Variants in RHPN2 observed in about 807,000 individuals in gnomAD.
RHPN2 encodes rhophilin-2.
A neutral mutation model predicts 79.0 loss-of-function variants in RHPN2; 40 were observed. The observed-to-expected ratio is 0.51, with a 90% CI of 0.39 to 0.66. The LOEUF is 0.66. Among genes scored for constraint, RHPN2 ranks in the 30% least tolerant of loss-of-function variants. RHPN2 has a pLI of 0.00. For synonymous variants in RHPN2, 285 were observed against 363.5 expected, an observed-to-expected ratio of 0.78 and a Z score of 2.46; for missense variants, 686 against 883.5, an observed-to-expected ratio of 0.78 and a Z score of 2.83.
Position 33,064,782 on chromosome 19 carries a change from A to G in RHPN2, c.69+2T>C. 2.5e-6 allele frequency: 1 copy of G among 401,098 alleles called. No individual in the cohort carries two copies. Among genetic ancestry groups the G allele is most frequent in the Non-Finnish European group, 3.7e-6 (1 of 268,926 alleles). The allele number at this position is 401,098 out of a possible 1,614,324, so 24.8% of individuals were successfully genotyped here. A position where few individuals can be genotyped will look rare whatever the true frequency, so the allele number is the denominator to read the frequency against. ...CCCGCCCGCCCGCCCGAAGCCGCCCACCTTCCGAAAGTAGCCGTCGTTCTC... is the reference window on the plus strand; with the variant it reads ...CCCGCCCGCCCGCCCGAAGCCGCCCGCCTTCCGAAAGTAGCCGTCGTTCTC... On this transcript the variant is annotated splice_donor_variant, in intron 1 of 14. Transcript: ENST00000254260. LOFTEE classifies it high-confidence loss of function.
At position 32,979,125 on chromosome 19, in the gene RHPN2, G is replaced by C. The variant is rs1367713088; in HGVS notation, c.*871C>G. 1 of 152,010 alleles carries C rather than the reference G, an allele frequency of 6.6e-6. No homozygotes were observed. Among genetic ancestry groups the C allele is most frequent in the Non-Finnish European group, 1.5e-5 (1 of 68,020 alleles). The allele number at this position is 152,010 out of a possible 1,614,324, so 9.4% of individuals were successfully genotyped here. On this transcript the variant is annotated 3_prime_UTR_variant, in exon 15 of 15. Transcript: ENST00000254260. ...GATCACACCACTGCACTCCAGCCTG[G>C]GCAACACAGCAAGACGCTATCTCAA...
At chr19:32,995,496 A>G (rs1359372625) in intron 11 of RHPN2, among the ~76,000 whole-genome samples, 2 of 152,100 alleles carry the variant, frequency 1.3e-5, no homozygotes, top group African/African-American at 4.8e-5. Flanking sequence ...TACCCTTAAC[A>G]TAAGGCTGGT....
Position 32,979,701 on chromosome 19 carries a change from T to C in RHPN2, c.*295A>G, listed in dbSNP as rs1971557758. The C allele has an allele frequency of 2.6e-6, 1 of 379,158 alleles. No homozygotes were observed. The highest frequency in any genetic ancestry group is 5.8e-5 in the East Asian group (1 of 17,328). The allele number at this position is 379,158 out of a possible 1,614,324, so 23.5% of individuals were successfully genotyped here. ...TAATAGTGACTAAAAGTCATAATTG[T>C]CACCATTAAAAATAGCCATATTTCA... On this transcript the variant is annotated 3_prime_UTR_variant, in exon 15 of 15. Transcript: ENST00000254260.
At chr19:33,030,244 A>G (rs73039428) in intron 2 of RHPN2, among the ~76,000 whole-genome samples, 15,686 of 152,192 alleles carry the variant, frequency 0.1, 1,025 homozygotes, top group South Asian at 0.24. Flanking sequence ...GCTCAGCTTG[A>G]TGAATTTCAT....
chr19:33,037,119 C>T (rs1363128862), intron 2 of RHPN2, among the ~76,000 whole-genome samples: 1 of 152,312 alleles, frequency 6.6e-6, no homozygotes, highest in East Asian at 1.9e-4. Context: ...ATTGTAAATA[C>T]ACCGATCGGC....
intron 11 of RHPN2, among the ~76,000 whole-genome samples, chr19:32,994,648 C>A (rs1971686815): frequency 6.6e-6 from 1 of 152,068 alleles, no homozygotes; most frequent in Non-Finnish European, 1.5e-5. Flanking sequence ...GCTTAGTGGG[C>A]TTCTCTGGCA....
At chr19:33,058,528 T>C (rs1972252767) in intron 1 of RHPN2, among the ~76,000 whole-genome samples, 1 of 152,230 alleles carries the variant, frequency 6.6e-6, no homozygotes, top group African/African-American at 2.4e-5. Context: ...ATGCCTGTAA[T>C]CCCAGCACTT....
intron 1 of RHPN2, among the ~76,000 whole-genome samples, chr19:33,061,352 C>T (rs1449051138): frequency 6.6e-6 from 1 of 151,780 alleles, no homozygotes; most frequent in Non-Finnish European, 1.5e-5. Flanking sequence ...ACTACAGGCA[C>T]CCGCCACCAC....
At chr19:33,020,724 C>T (rs1436479727) in intron 4 of RHPN2, among the ~76,000 whole-genome samples, 10 of 152,186 alleles carry the variant, frequency 6.6e-5, no homozygotes, top group Admixed American at 2.6e-4. Context: ...TGGTCTTCAA[C>T]TCCTGAGCTC....
chr19:33,058,043 C>T (rs10418398), intron 1 of RHPN2, among the ~76,000 whole-genome samples: 83 of 152,072 alleles, frequency 5.5e-4, no homozygotes, highest in African/African-American at 2.0e-3. Context: ...GCCTATAATC[C>T]CAGCTACTTG....
chr19:33,031,341 C>G (rs774345566), intron 2 of RHPN2, among the ~76,000 whole-genome samples: 4 of 147,862 alleles, frequency 2.7e-5, no homozygotes, highest in Non-Finnish European at 4.5e-5. Flanking sequence ...CTTACTGCAG[C>G]CTTGCCCTCC....
At chr19:32,998,062 A>T (rs10403800) in intron 10 of RHPN2, among the ~76,000 whole-genome samples, 28,307 of 152,102 alleles carry the variant, frequency 0.19, 2,835 homozygotes, top group Non-Finnish European at 0.22. Flanking sequence ...CAGGGGACTG[A>T]TGTGATCTGA....
At chr19:33,061,251 C>T (rs1201886992) in intron 1 of RHPN2, among the ~76,000 whole-genome samples, 3 of 128,146 alleles carry the variant, frequency 2.3e-5, no homozygotes, top group Non-Finnish European at 1.6e-5. Context: ...TTTTTTGAGA[C>T]GGAGTCTCGC....
chr19:33,035,622 G>A (rs1018054405), intron 2 of RHPN2, among the ~76,000 whole-genome samples: 34 of 151,934 alleles, frequency 2.2e-4, no homozygotes, highest in Non-Finnish European at 2.2e-4. Flanking sequence ...GAAGGACAGC[G>A]ACTCCATTTT....
chr19:33,035,363 AAGTGCT>A (rs1284675278), intron 2 of RHPN2, among the ~76,000 whole-genome samples: 1 of 152,166 alleles, frequency 6.6e-6, no homozygotes, highest in Non-Finnish European at 1.5e-5. Context: ...CAGCCTCCCA[AAGTGCT>A]GGGATTACAG....
chr19:33,007,430 TG>T (rs1227246015), intron 7 of RHPN2, among the ~76,000 whole-genome samples: 1 of 151,834 alleles, frequency 6.6e-6, no homozygotes, highest in Non-Finnish European at 1.5e-5. Flanking sequence ...GAGGTTGCAG[TG>T]AGCCGAGACC....
chr19:33,041,535 C>T (rs1481969085), intron 2 of RHPN2, among the ~76,000 whole-genome samples: 1 of 152,182 alleles, frequency 6.6e-6, no homozygotes, highest in East Asian at 1.9e-4. Flanking sequence ...CCCCTGCCAA[C>T]CCAACCACTG....
intron 10 of RHPN2, among the ~76,000 whole-genome samples, 153 bp downstream of exon 10, chr19:32,999,433 C>T (rs1290913189): frequency 9.9e-5 from 15 of 151,732 alleles, no homozygotes; most frequent in African/African-American, 3.1e-4. Context: ...GGCTCAGGAC[C>T]GCGCCTCATG....
In RHPN2 at chr19:33,027,874, A is replaced by T. The variant is rs1322631190; in HGVS notation, c.186-1242T>A. ...GAGAATTTATGAAATCTGATAAAAG[A>T]CACCTACAAAAACCCACAGTTAACA... is the stretch of plus-strand genomic sequence containing the variant. On this transcript the variant is annotated intron_variant, in intron 2 of 14. Transcript: ENST00000254260. Among the ~76,000 whole-genome samples the T allele has an allele frequency of 4.6e-5, 7 of 152,324 alleles. No individual in the cohort carries two copies. The South Asian group carries it at 6.2e-4, about 14-fold the overall frequency.
Sources: gnomAD v4.1 joint callset for allele counts (sites outside exome capture counted in the v4.1 genomes callset) on GRCh38, gnomAD v4.1.1 for gene constraint, MANE v1.5 for transcripts, NCBI Gene and HGNC (gene_info 2026-07-23, HGNC 2026-07-21) for gene names.